TMEM117: variants seen among roughly 807,000 people sequenced by gnomAD.
TMEM117 encodes the protein transmembrane protein 117.
A neutral mutation model predicts 52.4 loss-of-function variants in TMEM117; 27 were observed. That is an observed-to-expected ratio of 0.51 (90% CI 0.38 to 0.71). The LOEUF is 0.71. TMEM117 is among the 30% of genes least tolerant of loss of function. The pLI is 0.00. For missense variants in TMEM117, 556 were observed against 630.5 expected, an observed-to-expected ratio of 0.88 and a Z score of 1.26; for synonymous variants, 215 against 206.3, an observed-to-expected ratio of 1.04 and a Z score of -0.36.
chr12:43,962,445 C>T (rs1222695679), intron 3 of TMEM117, among the ~76,000 whole-genome samples: 1 of 152,048 alleles, frequency 6.6e-6, no homozygotes, highest in Admixed American at 6.6e-5. Context: ...AAGACTGATA[C>T]TGATTTAAGT....
At chr12:44,208,725 G>GATTTT (rs1949604609) in intron 4 of TMEM117, among the ~76,000 whole-genome samples, 1 of 68,828 alleles carries the variant, frequency 1.5e-5, no homozygotes. Flanking sequence ...CAGAAAGAAT[G>GATTTT]TTTTTTTTTT....
At chr12:44,203,742 A>T (rs747263466) in intron 4 of TMEM117, among the ~76,000 whole-genome samples, 7 of 152,150 alleles carry the variant, frequency 4.6e-5, no homozygotes, top group African/African-American at 7.2e-5. Flanking sequence ...TTTAAGTTTC[A>T]TTTAATTGTA....
chr12:44,276,403 A>G lies in TMEM117; in HGVS notation c.609-23177A>G, dbSNP rs11182454. On this transcript the variant is annotated intron_variant, in intron 5 of 7. Transcript: ENST00000266534. ...GAAATAAGCTAGGCACAGTAATACA[A>G]ATACAGCATGATCTCACTTATAAGT... 2.4e-3 allele frequency among the ~76,000 whole-genome samples: 368 copies of G among 152,314 alleles called. 12 individuals are homozygous for G. The highest frequency in any genetic ancestry group is 0.02 in the Admixed American group (308 of 15,286).
chr12:43,979,948 C>G (rs939114489), intron 3 of TMEM117, among the ~76,000 whole-genome samples: 1 of 152,120 alleles, frequency 6.6e-6, no homozygotes, highest in Non-Finnish European at 1.5e-5. Context: ...AATGGGCTAG[C>G]GGCTCCATTT....
intron 6 of TMEM117, among the ~76,000 whole-genome samples, chr12:44,364,716 T>C (rs1470164431): frequency 1.3e-5 from 2 of 152,072 alleles, no homozygotes; most frequent in African/African-American, 4.8e-5. Context: ...ATAAAATAGT[T>C]TGTTAGGTTT....
chr12:44,277,866 C>T (rs752299127), intron 5 of TMEM117, among the ~76,000 whole-genome samples: 21 of 148,708 alleles, frequency 1.4e-4, no homozygotes, highest in Middle Eastern at 3.3e-3. Context: ...CGGGTTCAAG[C>T]GATTCTCCTG....
the TMEM117 span, among the ~76,000 whole-genome samples, chr12:43,810,203 A>C: frequency 6.6e-6 from 1 of 152,202 alleles, no homozygotes; most frequent in Non-Finnish European, 1.5e-5. Flanking sequence ...GGGTTGGAAA[A>C]GTGCCTTAGC....
At chr12:44,150,592 C>T (rs1948708236) in intron 4 of TMEM117, among the ~76,000 whole-genome samples, 1 of 152,076 alleles carries the variant, frequency 6.6e-6, no homozygotes, top group Non-Finnish European at 1.5e-5. Flanking sequence ...TTATTTTTTG[C>T]ATTTCTTTTT....
chr12:44,199,134 A>C (rs903319050), intron 4 of TMEM117, among the ~76,000 whole-genome samples: 2 of 151,592 alleles, frequency 1.3e-5, no homozygotes, highest in Admixed American at 6.6e-5. Flanking sequence ...CATGTCCTTC[A>C]TCATGATAAA....
At chr12:44,161,645 G>C (rs977833490) in intron 4 of TMEM117, among the ~76,000 whole-genome samples, 2 of 152,178 alleles carry the variant, frequency 1.3e-5, no homozygotes, top group African/African-American at 2.4e-5. Flanking sequence ...TAGAGTACAT[G>C]AATTAATGCA....
intron 4 of TMEM117, among the ~76,000 whole-genome samples, chr12:44,152,489 T>A (rs184710207): frequency 0.017 from 2,032 of 116,558 alleles, 72 homozygotes; most frequent in African/African-American, 0.067. Flanking sequence ...ATATAAATTT[T>A]TATATATATA....
intron 3 of TMEM117, chr12:44,008,978 G>T: frequency 2.7e-6 from 1 of 372,260 alleles, no homozygotes. Flanking sequence ...ACGCTTATAG[G>T]TCTTCTGTTT....
intron 6 of TMEM117, among the ~76,000 whole-genome samples, chr12:44,331,283 T>C (rs1291575014): frequency 1.3e-5 from 2 of 152,032 alleles, no homozygotes; most frequent in African/African-American, 4.8e-5. Context: ...AATGACTCTT[T>C]AAGTTAAGGC....
intron 5 of TMEM117, among the ~76,000 whole-genome samples, chr12:44,231,750 C>A (rs1949935683): frequency 6.6e-6 from 1 of 151,658 alleles, no homozygotes; most frequent in Admixed American, 6.6e-5. Context: ...TTCTGAAGTG[C>A]CTGTTCAAGT....
At chr12:44,300,878 C>G (rs898628556) in intron 6 of TMEM117, among the ~76,000 whole-genome samples, 7 of 152,310 alleles carry the variant, frequency 4.6e-5, no homozygotes, top group Non-Finnish European at 1.0e-4. Flanking sequence ...CTGGCAGGTT[C>G]TAGATCTGCC....
chr12:44,275,486 A>C (rs1950500839), intron 5 of TMEM117, among the ~76,000 whole-genome samples: 1 of 152,170 alleles, frequency 6.6e-6, no homozygotes. Flanking sequence ...TCAAAGATAT[A>C]TCTGCAGTCC....
chr12:43,909,758 T>G (rs1944462198), intron 2 of TMEM117, among the ~76,000 whole-genome samples: 1 of 147,680 alleles, frequency 6.8e-6, no homozygotes, highest in African/African-American at 2.4e-5. Context: ...AATGGATAAA[T>G]TCCTCGACAC....
At chr12:44,028,173 A>G (rs1946574329) in intron 3 of TMEM117, among the ~76,000 whole-genome samples, 1 of 152,204 alleles carries the variant, frequency 6.6e-6, no homozygotes, top group Non-Finnish European at 1.5e-5. Context: ...AGCCTGGGTG[A>G]CAGAGCGAGA....
At chr12:44,383,745 G>A (rs577936426) in intron 7 of TMEM117, among the ~76,000 whole-genome samples, 7 of 152,220 alleles carry the variant, frequency 4.6e-5, no homozygotes, top group African/African-American at 1.4e-4. Flanking sequence ...GGCTATAGAA[G>A]CACTTTCTAT....
Sources: allele counts gnomAD v4.1 joint callset (sites outside exome capture counted in the v4.1 genomes callset), GRCh38; gene constraint gnomAD v4.1.1; transcripts MANE v1.5; gene names NCBI Gene and HGNC (gene_info 2026-07-23, HGNC 2026-07-21).